The following KLRD1 variants were observed in gnomAD, a reference collection of about 807,000 sequenced individuals.
The protein encoded by KLRD1 is natural killer cells antigen CD94.
KLRD1 carries 21 observed loss-of-function variants against 22.6 expected under a neutral mutation model. The ratio of observed to expected loss-of-function variants is 0.93; its 90% CI spans 0.66 to 1.34. The LOEUF (loss-of-function observed/expected upper bound fraction) is 1.34. KLRD1 is among the 40% of genes most tolerant of loss of function. The pLI, the probability that KLRD1 is intolerant of heterozygous loss-of-function variation, is 0.00. For missense variants in KLRD1, 183 were observed against 208.6 expected, an observed-to-expected ratio of 0.88 and a Z score of 0.76; for synonymous variants, 59 against 71.1, an observed-to-expected ratio of 0.83 and a Z score of 0.85.
At chr12:10,261,147 C>A (rs1488071664) in intron 1 of KLRD1, among the ~76,000 whole-genome samples, 1 of 152,102 alleles carries the variant, frequency 6.6e-6, no homozygotes, top group Non-Finnish European at 1.5e-5. Context: ...TTGGAAGAGA[C>A]TTTCTGGTGT....
intron 1 of KLRD1, among the ~76,000 whole-genome samples, chr12:10,296,441 G>A (rs1249222059): frequency 1.3e-5 from 2 of 152,000 alleles, no homozygotes; most frequent in African/African-American, 2.4e-5. Flanking sequence ...GAGTGAACCC[G>A]GGAGGTGGAG....
rs117914097 is a variant in KLRD1 at position 10,310,660 on chromosome 12, C to T, written c.164-804C>T. Among the ~76,000 whole-genome samples the T allele has an allele frequency of 7.3e-3, 1,115 of 152,232 alleles. 9 individuals are homozygous for T. Among genetic ancestry groups the T allele is most frequent in the Non-Finnish European group, 8.5e-3 (577 of 68,024 alleles). On this transcript the variant is annotated intron_variant, in intron 3 of 5. Transcript: ENST00000336164. Reference sequence around the variant, plus strand: ...ATTAGCCAGGCATGGCGGCACGCACCTGTAGTATCAGTTACTCAGGAGGCT... The same window carrying T: ...ATTAGCCAGGCATGGCGGCACGCACTTGTAGTATCAGTTACTCAGGAGGCT...
At chr12:10,267,529 A>G (rs1244535165) in intron 1 of KLRD1, among the ~76,000 whole-genome samples, 1 of 152,254 alleles carries the variant, frequency 6.6e-6, no homozygotes, top group African/African-American at 2.4e-5. Context: ...ATAATCCAGC[A>G]GAAGTCAGCC....
At chr12:10,295,865 G>T (rs1029429099) in intron 1 of KLRD1, among the ~76,000 whole-genome samples, 2 of 152,022 alleles carry the variant, frequency 1.3e-5, no homozygotes, top group Non-Finnish European at 2.9e-5. Flanking sequence ...TTCATGTTTT[G>T]CCCTTTAGGT....
At chr12:10,254,833 C>T (rs1359134781) in intron 1 of KLRD1, among the ~76,000 whole-genome samples, 1 of 132,434 alleles carries the variant, frequency 7.6e-6, no homozygotes, top group African/African-American at 2.8e-5. Flanking sequence ...GCGGAGATTG[C>T]AGTGAGCTGA....
upstream of KLRD1, among the ~76,000 whole-genome samples, chr12:10,306,571 A>G (rs752745333): frequency 2.6e-5 from 4 of 152,218 alleles, no homozygotes; most frequent in Non-Finnish European, 5.9e-5. Flanking sequence ...TTTTGAGGCA[A>G]TTTTACATGG....
chr12:10,279,818 A>G (rs1455772592), intron 1 of KLRD1, among the ~76,000 whole-genome samples: 11 of 152,120 alleles, frequency 7.2e-5, no homozygotes, highest in Admixed American at 7.2e-4. Flanking sequence ...CCAACAAAAA[A>G]TCCTTTTATG....
At chr12:10,269,886 T>C (rs1448073667) in intron 1 of KLRD1, among the ~76,000 whole-genome samples, 2 of 152,178 alleles carry the variant, frequency 1.3e-5, no homozygotes, top group African/African-American at 4.8e-5. Flanking sequence ...GTGCAAGCAA[T>C]ATGCAGATTC....
intron 1 of KLRD1, among the ~76,000 whole-genome samples, chr12:10,272,695 T>A (rs1225238439): frequency 6.6e-6 from 1 of 152,190 alleles, no homozygotes. Flanking sequence ...AGTCTTAATA[T>A]TGCGACATCA....
chr12:10,252,326 T>A (rs1949353318), intron 1 of KLRD1, among the ~76,000 whole-genome samples: 1 of 152,032 alleles, frequency 6.6e-6, no homozygotes, highest in Admixed American at 6.6e-5. Context: ...TGCAGGTGTA[T>A]TACGTATTTT....
Position 10,317,563 on chromosome 12 carries a change from AG to A in KLRD1, c.*2771del, listed in dbSNP as rs1950258916. 1 of 152,230 alleles carries A rather than the reference AG, an allele frequency of 6.6e-6. No homozygotes were observed. The highest frequency in any genetic ancestry group is 2.4e-5 in the African/African-American group (1 of 41,468). 9.4% of individuals were successfully genotyped at this position (152,230 alleles called of 1,614,324 possible). A position where few individuals can be genotyped will look rare whatever the true frequency, so the allele number is the denominator to read the frequency against. ...CCTAAGCAAGCCTTTGTTTCTTTGC[AG>A]TCAGCTTTTCTTCTGCTGATGCTGC... On this transcript the variant is annotated 3_prime_UTR_variant, in exon 6 of 6. Transcript: ENST00000336164.
At chr12:10,307,121 T>C (rs1565467121), upstream of KLRD1, among the ~76,000 whole-genome samples, 1 of 152,196 alleles carries the variant, frequency 6.6e-6, no homozygotes, top group Non-Finnish European at 1.5e-5. Flanking sequence ...TTGATATTCC[T>C]ATTAACAAGG....
intron 1 of KLRD1, among the ~76,000 whole-genome samples, chr12:10,288,807 T>G (rs1474675683): frequency 6.6e-6 from 1 of 152,200 alleles, no homozygotes; most frequent in East Asian, 1.9e-4. Flanking sequence ...ATAAGACTCT[T>G]TTTTTAAGAT....
upstream of KLRD1, among the ~76,000 whole-genome samples, chr12:10,301,920 G>A (rs1305012269): frequency 6.6e-6 from 1 of 152,106 alleles, no homozygotes; most frequent in Non-Finnish European, 1.5e-5. Flanking sequence ...TGTATCTCAG[G>A]TAATAGTTAG....
Position 10,328,224 on chromosome 12 carries a change from A to G in KLRD1, c.*13431A>G, listed in dbSNP as rs969615276. On this transcript the variant is annotated 3_prime_UTR_variant, in exon 6 of 6. Coordinates refer to ENST00000336164, the MANE Select transcript of KLRD1 (RefSeq NM_002262.5). ...TTAAATTTTTATATAATAGCTTGGG[A>G]AAGATGGCCATTAATTTCTCCTTAA... 1.4e-4 allele frequency: 21 copies of G among 152,150 alleles called. No homozygotes were observed. The highest frequency in any genetic ancestry group is 5.1e-4 in the African/African-American group (21 of 41,454). The allele number at this position is 152,150 out of a possible 1,614,324, so 9.4% of individuals were successfully genotyped here.
At chr12:10,298,963 C>G (rs1320619413) in intron 1 of KLRD1, among the ~76,000 whole-genome samples, 1 of 152,196 alleles carries the variant, frequency 6.6e-6, no homozygotes, top group African/African-American at 2.4e-5. Context: ...GGGTTAGGGT[C>G]TCCACGACTG....
chr12:10,292,437 A>G (rs139584653), intron 1 of KLRD1, among the ~76,000 whole-genome samples: 6 of 152,168 alleles, frequency 3.9e-5, no homozygotes, highest in African/African-American at 1.4e-4. Context: ...TGCCGAATGG[A>G]TATTGTGTTA....
intron 1 of KLRD1, among the ~76,000 whole-genome samples, chr12:10,251,191 C>T (rs1258708880): frequency 3.3e-5 from 5 of 152,086 alleles, no homozygotes; most frequent in African/African-American, 1.2e-4. Flanking sequence ...GTGGTGCGAT[C>T]CTGGCTTACT....
At chr12:10,271,962 T>C (rs1949553990) in intron 1 of KLRD1, among the ~76,000 whole-genome samples, 1 of 152,190 alleles carries the variant, frequency 6.6e-6, no homozygotes, top group South Asian at 2.1e-4. Flanking sequence ...ATAAAGTCGA[T>C]AGCATAGTGT....
Sources: allele counts gnomAD v4.1 joint callset (sites outside exome capture counted in the v4.1 genomes callset), GRCh38; gene constraint gnomAD v4.1.1; transcripts MANE v1.5; gene names NCBI Gene and HGNC (gene_info 2026-07-23, HGNC 2026-07-21).